Variants in CHRM3 observed in about 807,000 individuals in gnomAD.
CHRM3 encodes cholinergic receptor muscarinic 3, also known as muscarinic acetylcholine receptor M3.
Under a neutral mutation model 41.8 loss-of-function variants are expected in CHRM3, and 11 were observed. The ratio of observed to expected loss-of-function variants is 0.26; its 90% CI spans 0.17 to 0.44. CHRM3 has a LOEUF of 0.44. Ranked by LOEUF, CHRM3 falls within the 20% of genes least tolerant of loss-of-function variation. The pLI, the probability that CHRM3 is intolerant of heterozygous loss-of-function variation, is 1.00. For missense variants in CHRM3, 571 were observed against 745.4 expected, an observed-to-expected ratio of 0.77 and a Z score of 2.72; for synonymous variants, 297 against 301.4, an observed-to-expected ratio of 0.99 and a Z score of 0.15.
chr1:239,577,290 G>T (rs529995630), intron 3 of CHRM3, among the ~76,000 whole-genome samples: 100 of 150,870 alleles, frequency 6.6e-4, no homozygotes, highest in Non-Finnish European at 8.3e-4. Flanking sequence ...CACTGATAAG[G>T]TTATGTTATG....
chr1:239,668,158 G>A (rs531486156), intron 4 of CHRM3, among the ~76,000 whole-genome samples: 23 of 140,926 alleles, frequency 1.6e-4, no homozygotes, highest in African/African-American at 5.9e-4. Context: ...GAGTGCAGTG[G>A]CGTGATCTTG....
intron 2 of CHRM3, among the ~76,000 whole-genome samples, chr1:239,545,347 A>AT (rs1351055487): frequency 3.3e-5 from 5 of 152,184 alleles, no homozygotes; most frequent in Non-Finnish European, 5.9e-5. Context: ...AGGGTGAGGG[A>AT]TAAAAACTAC....
chr1:239,735,362 A>G (rs919350717), intron 5 of CHRM3, among the ~76,000 whole-genome samples: 2 of 152,154 alleles, frequency 1.3e-5, no homozygotes, highest in African/African-American at 4.8e-5. Context: ...TGCCTCTGCT[A>G]CTGTCTATCT....
At chr1:239,637,846 C>T in intron 4 of CHRM3, among the ~76,000 whole-genome samples, 1 of 150,164 alleles carries the variant, frequency 6.7e-6, no homozygotes, top group Non-Finnish European at 1.5e-5. Flanking sequence ...ATGTGCCATG[C>T]TGGTGTGCTG....
At chr1:239,759,186 T>TTTTTTTTGTTTG in intron 5 of CHRM3, among the ~76,000 whole-genome samples, 1 of 134,418 alleles carries the variant, frequency 7.4e-6, no homozygotes, top group African/African-American at 3.3e-5. Context: ...TTTTTTGTTT[T>TTTTTTTTGTTTG]TTTTTTTTTT....
At chr1:239,494,401 C>T (rs762107889) in intron 2 of CHRM3, among the ~76,000 whole-genome samples, 1 of 152,030 alleles carries the variant, frequency 6.6e-6, no homozygotes, top group Non-Finnish European at 1.5e-5. Flanking sequence ...ACCTCAAATC[C>T]GTACTATGTG....
intron 1 of CHRM3, among the ~76,000 whole-genome samples, chr1:239,405,394 C>A (rs1008417531): frequency 1.3e-5 from 2 of 152,036 alleles, no homozygotes; most frequent in Non-Finnish European, 2.9e-5. Context: ...CAGGACAAGA[C>A]GCTGCCTTTG....
At chr1:239,826,717 T>C (rs375438540) in intron 5 of CHRM3, 6 of 152,076 alleles carry the variant, frequency 3.9e-5, no homozygotes, top group Admixed American at 2.6e-4. Context: ...GAAAAACCTA[T>C]AAGCAATGTA....
intron 3 of CHRM3, among the ~76,000 whole-genome samples, chr1:239,623,673 A>T: frequency 1.6e-5 from 1 of 63,032 alleles, no homozygotes; most frequent in South Asian, 8.4e-4. Flanking sequence ...CACAGTCCCC[A>T]GAGTGTGATA....
At chr1:239,768,683 G>C (rs1667416741) in intron 5 of CHRM3, among the ~76,000 whole-genome samples, 1 of 152,098 alleles carries the variant, frequency 6.6e-6, no homozygotes, top group African/African-American at 2.4e-5. Flanking sequence ...AGAGGGCTGA[G>C]AATGTTTTCC....
chr1:239,511,135 C>T (rs1271102358), intron 2 of CHRM3, among the ~76,000 whole-genome samples: 1 of 152,120 alleles, frequency 6.6e-6, no homozygotes, highest in African/African-American at 2.4e-5. Context: ...GATTCATGTA[C>T]GTTAAGTCAA....
chr1:239,408,543 A>AAAAAAC (rs1190051472), intron 1 of CHRM3, among the ~76,000 whole-genome samples: 4 of 151,382 alleles, frequency 2.6e-5, no homozygotes, highest in African/African-American at 9.7e-5. Flanking sequence ...AAAAAAAAAA[A>AAAAAAC]ACTCTCTCCT....
At chr1:239,661,056 C>T (rs898804405) in intron 4 of CHRM3, among the ~76,000 whole-genome samples, 1 of 152,104 alleles carries the variant, frequency 6.6e-6, no homozygotes, top group Non-Finnish European at 1.5e-5. Flanking sequence ...TAATAACATG[C>T]CCAGGTCTCC....
chr1:239,906,465 T>C (rs540676052), intron 6 of CHRM3, among the ~76,000 whole-genome samples: 2 of 152,220 alleles, frequency 1.3e-5, no homozygotes, highest in African/African-American at 4.8e-5. Context: ...CCTGAGCCAG[T>C]GGTGTCCCAG....
At chr1:239,647,339 T>A (rs574323850) in intron 4 of CHRM3, among the ~76,000 whole-genome samples, 1 of 152,320 alleles carries the variant, frequency 6.6e-6, no homozygotes, top group African/African-American at 2.4e-5. Flanking sequence ...ACTTTCTTAC[T>A]CCTCTGTAAA....
intron 3 of CHRM3, among the ~76,000 whole-genome samples, chr1:239,580,225 A>C (rs1296687679): frequency 6.7e-6 from 1 of 149,628 alleles, no homozygotes; most frequent in African/African-American, 2.5e-5. Flanking sequence ...AGTCTTTTGT[A>C]ACCAGTCTGT....
At chr1:239,414,690 G>A (rs1026208823) in intron 1 of CHRM3, among the ~76,000 whole-genome samples, 15 of 152,230 alleles carry the variant, frequency 9.9e-5, no homozygotes, top group African/African-American at 3.6e-4. Context: ...AATGGAGAGT[G>A]TAGAAATTGA....
chr1:239,577,999 C>A (rs1662532235), intron 3 of CHRM3, among the ~76,000 whole-genome samples: 2 of 152,130 alleles, frequency 1.3e-5, no homozygotes, highest in Admixed American at 1.3e-4. Context: ...TCATTCTTCC[C>A]AAGAATGTGT....
At chr1:239,474,693 A>G (rs1021120875) in intron 1 of CHRM3, among the ~76,000 whole-genome samples, 2 of 152,134 alleles carry the variant, frequency 1.3e-5, no homozygotes, top group South Asian at 2.1e-4. Context: ...GATTCAAACT[A>G]ATTTAGTGTA....
Sources: gnomAD v4.1 joint callset for allele counts (sites outside exome capture counted in the v4.1 genomes callset) on GRCh38, gnomAD v4.1.1 for gene constraint, MANE v1.5 for transcripts, NCBI Gene and HGNC (gene_info 2026-07-23, HGNC 2026-07-21) for gene names.